SNX29: variants seen among roughly 807,000 people sequenced by gnomAD.
The protein encoded by SNX29 is sorting nexin 29, also known as sorting nexin-29.
In SNX29, 78 loss-of-function variants were observed where a neutral mutation model predicts 102.1. That is an observed-to-expected ratio of 0.76 (90% CI 0.64 to 0.92). The LOEUF (loss-of-function observed/expected upper bound fraction) is 0.92. Ranked by LOEUF, SNX29 falls within the 40% of genes least tolerant of loss-of-function variation. SNX29 has a pLI of 0.00. For missense variants in SNX29, 1,280 were observed against 1,061.7 expected (o/e 1.21, Z -2.86); for synonymous variants, 580 against 414.5 (o/e 1.40, Z -4.85).
chr16:12,059,081 G>T (rs1298710070), intron 8 of SNX29, among the ~76,000 whole-genome samples: 1 of 152,110 alleles, frequency 6.6e-6, no homozygotes, highest in Non-Finnish European at 1.5e-5. Context: ...AATCTTTAAT[G>T]TAACTCATTT....
At chr16:12,526,628 C>G (rs762590758) in intron 20 of SNX29, 2 of 532,362 alleles carry the variant, frequency 3.8e-6, no homozygotes, top group African/African-American at 1.9e-5. Flanking sequence ...ATCCCCATGG[C>G]CCAGGGTGCA....
At position 12,523,463 on chromosome 16, in the gene SNX29, C is replaced by T. The variant is rs556081986; in HGVS notation, c.2179-1239C>T. On this transcript the variant is annotated intron_variant, in intron 19 of 20. Transcript: ENST00000566228. ...GACGGTCTCAGAGAAAGCCTTGTCCCGGCCCCGATGCTCACTGCCCAGGGT... is the reference window on the plus strand; with the variant it reads ...GACGGTCTCAGAGAAAGCCTTGTCCTGGCCCCGATGCTCACTGCCCAGGGT... 4.6e-5 allele frequency among the ~76,000 whole-genome samples: 7 copies of T among 152,314 alleles called. No homozygotes were observed. The South Asian group carries it at 6.2e-4, about 14-fold the overall frequency.
At chr16:12,110,991 T>G (rs1188039786) in intron 11 of SNX29, among the ~76,000 whole-genome samples, 1 of 152,058 alleles carries the variant, frequency 6.6e-6, no homozygotes, top group Non-Finnish European at 1.5e-5. Context: ...TAATTTCTTA[T>G]TTTTTGTAAA....
At chr16:12,414,675 C>T (rs1470068195) in intron 18 of SNX29, among the ~76,000 whole-genome samples, 2 of 152,178 alleles carry the variant, frequency 1.3e-5, no homozygotes, top group East Asian at 1.9e-4. Flanking sequence ...CCTGCCTGGC[C>T]GTTGTTTTTC....
intron 14 of SNX29, among the ~76,000 whole-genome samples, chr16:12,267,245 A>T (rs1032940684): frequency 2.7e-5 from 4 of 150,570 alleles, no homozygotes; most frequent in Admixed American, 1.3e-4. Context: ...CATGGGTGCG[A>T]GTGTGTGTGT....
chr16:12,396,972 A>G (rs1463560958), intron 16 of SNX29, among the ~76,000 whole-genome samples: 1 of 152,226 alleles, frequency 6.6e-6, no homozygotes, highest in Non-Finnish European at 1.5e-5. Flanking sequence ...TGCAGCCTTG[A>G]ACTCCAGGAC....
chr16:12,442,926 A>G (rs2085875602), intron 18 of SNX29: 2 of 444,758 alleles, frequency 4.5e-6, no homozygotes, highest in Non-Finnish European at 9.0e-6. Context: ...CTGGTTTGAC[A>G]CTGAACTTTG....
At chr16:12,146,456 G>A (rs2055070005) in intron 13 of SNX29, among the ~76,000 whole-genome samples, 1 of 152,042 alleles carries the variant, frequency 6.6e-6, no homozygotes, top group South Asian at 2.1e-4. Context: ...AATAGAGATG[G>A]GGTTTTGCCA....
At chr16:12,521,383 C>G (rs1320879780) in intron 19 of SNX29, among the ~76,000 whole-genome samples, 2 of 151,920 alleles carry the variant, frequency 1.3e-5, no homozygotes, top group African/African-American at 2.4e-5. Flanking sequence ...CTTGGGATTT[C>G]TCCAGGGGCC....
At chr16:12,036,018 A>G (rs2057462046) in intron 4 of SNX29, among the ~76,000 whole-genome samples, 1 of 152,014 alleles carries the variant, frequency 6.6e-6, no homozygotes, top group South Asian at 2.1e-4. Flanking sequence ...TCACTGGCCT[A>G]TTTCCAGACT....
chr16:12,141,322 T>G (rs57422395), intron 13 of SNX29, among the ~76,000 whole-genome samples: 3,745 of 152,268 alleles, frequency 0.025, 165 homozygotes, highest in African/African-American at 0.087. Flanking sequence ...TTCAGGACAG[T>G]TAGTATCCTC....
intron 19 of SNX29, among the ~76,000 whole-genome samples, chr16:12,506,549 G>A (rs1243369816): frequency 1.3e-5 from 2 of 152,238 alleles, no homozygotes; most frequent in Admixed American, 1.3e-4. Context: ...ACGTGATACG[G>A]AGGGAATAGC....
intron 20 of SNX29, among the ~76,000 whole-genome samples, chr16:12,563,262 G>C (rs1413736808): frequency 2.0e-5 from 3 of 152,130 alleles, no homozygotes; most frequent in Non-Finnish European, 4.4e-5. Flanking sequence ...CGCCCAGGTA[G>C]CAGAGGAACG....
At chr16:12,566,263 C>G (rs745656583) in intron 20 of SNX29, among the ~76,000 whole-genome samples, 1 of 152,202 alleles carries the variant, frequency 6.6e-6, no homozygotes, top group African/African-American at 2.4e-5. Context: ...AAGGGTCAGA[C>G]AGCACTGCCC....
intron 15 of SNX29, among the ~76,000 whole-genome samples, chr16:12,342,170 C>T (rs1210405555): frequency 1.3e-5 from 2 of 152,190 alleles, no homozygotes; most frequent in Non-Finnish European, 2.9e-5. Context: ...TTGCACTTAC[C>T]TTCACTGCGT....
At chr16:12,547,873 C>T (rs1597905862) in intron 20 of SNX29, among the ~76,000 whole-genome samples, 1 of 152,278 alleles carries the variant, frequency 6.6e-6, no homozygotes, top group East Asian at 1.9e-4. Flanking sequence ...GAGCCACTTC[C>T]TTCAGCAGCA....
chr16:12,383,342 TA>T (rs2083239515), intron 16 of SNX29, among the ~76,000 whole-genome samples: 1 of 152,242 alleles, frequency 6.6e-6, no homozygotes. Flanking sequence ...GAATATTATT[TA>T]AAAAAGCATC....
chr16:12,031,351 C>T (rs1337416484), intron 4 of SNX29, among the ~76,000 whole-genome samples: 9 of 151,738 alleles, frequency 5.9e-5, no homozygotes, highest in African/African-American at 2.2e-4. Flanking sequence ...GGATTACAGG[C>T]GTTAGCCACT....
chr16:12,425,297 G>A (rs1399025907), intron 18 of SNX29, among the ~76,000 whole-genome samples: 1 of 152,182 alleles, frequency 6.6e-6, no homozygotes, highest in Non-Finnish European at 1.5e-5. Flanking sequence ...GGATGGCAAC[G>A]TGGATGTGGC....
Sources: allele counts gnomAD v4.1 joint callset (sites outside exome capture counted in the v4.1 genomes callset), GRCh38; gene constraint gnomAD v4.1.1; transcripts MANE v1.5; gene names NCBI Gene and HGNC (gene_info 2026-07-23, HGNC 2026-07-21).